TMEM272: variants seen among roughly 807,000 people sequenced by gnomAD.
TMEM272 encodes long intergenic non-protein coding RNA 282.
In TMEM272, 8 loss-of-function variants were observed where a neutral mutation model predicts 3.7. The ratio of observed to expected loss-of-function variants is 2.17; its 90% CI spans 1.27 to 3.91. TMEM272 has a LOEUF of 3.91. Ranked by LOEUF, TMEM272 falls within the 30% of genes most tolerant of loss-of-function variation. The pLI is 0.00. For synonymous variants in TMEM272, 63 were observed against 39.8 expected, an observed-to-expected ratio of 1.58 and a Z score of -2.20; for missense variants, 166 against 91.5, an observed-to-expected ratio of 1.81 and a Z score of -3.32.
the TMEM272 span, among the ~76,000 whole-genome samples, chr13:51,926,026 G>A: frequency 6.6e-6 from 1 of 152,088 alleles, no homozygotes; most frequent in South Asian, 2.1e-4. Context: ...TGTATGTGAG[G>A]TGCATGTGGT....
chr13:51,870,946 C>T, the TMEM272 span, among the ~76,000 whole-genome samples: 1 of 152,156 alleles, frequency 6.6e-6, no homozygotes, highest in Non-Finnish European at 1.5e-5. Context: ...CTGCAGATAT[C>T]AGATATTGCA....
At chr13:51,831,301 T>A (rs556954049) in intron 2 of TMEM272, among the ~76,000 whole-genome samples, 2 of 152,176 alleles carry the variant, frequency 1.3e-5, no homozygotes, top group African/African-American at 4.8e-5. Context: ...GCACCTGTGG[T>A]CCCAGCTACT....
At chr13:51,834,048 G>T (rs1420602072) in intron 2 of TMEM272, among the ~76,000 whole-genome samples, 1 of 152,162 alleles carries the variant, frequency 6.6e-6, no homozygotes, top group Non-Finnish European at 1.5e-5. Flanking sequence ...AGGTCCCCAG[G>T]CTCGTAAAGA....
chr13:51,930,648 A>G, the TMEM272 span: 3 of 151,896 alleles, frequency 2.0e-5, no homozygotes, highest in Middle Eastern at 3.2e-3. Context: ...TTTTTAAAAC[A>G]AAGATGCAAT....
upstream of TMEM272, among the ~76,000 whole-genome samples, chr13:51,848,097 G>A (rs1956315229): frequency 6.6e-6 from 1 of 152,138 alleles, no homozygotes; most frequent in South Asian, 2.1e-4. Flanking sequence ...AATCTGATAT[G>A]GGGAATTAGT....
chr13:51,865,330 A>G, the TMEM272 span: 1 of 1,476,666 alleles, frequency 6.8e-7, no homozygotes, highest in African/African-American at 1.4e-5. Context: ...CTGCCCCCAC[A>G]GGGTCTGACC....
At chr13:51,928,794 T>G in the TMEM272 span, among the ~76,000 whole-genome samples, 1 of 152,150 alleles carries the variant, frequency 6.6e-6, no homozygotes, top group African/African-American at 2.4e-5. Flanking sequence ...GGGTTTGAGG[T>G]GGAGTTCTGT....
At chr13:51,913,318 C>T in the TMEM272 span, among the ~76,000 whole-genome samples, 1 of 152,162 alleles carries the variant, frequency 6.6e-6, no homozygotes, top group South Asian at 2.1e-4. Context: ...TTGCTTTTAC[C>T]AGTGGCATTT....
At chr13:51,840,645 C>A (rs1160101059) in intron 1 of TMEM272, among the ~76,000 whole-genome samples, 1 of 152,216 alleles carries the variant, frequency 6.6e-6, no homozygotes, top group Non-Finnish European at 1.5e-5. Flanking sequence ...AGGCTCCCTG[C>A]CCACTGTTCT....
At chr13:51,827,947 A>T (rs985482783) in intron 2 of TMEM272, among the ~76,000 whole-genome samples, 2 of 152,178 alleles carry the variant, frequency 1.3e-5, no homozygotes, top group Non-Finnish European at 2.9e-5. Context: ...ACTTCCAGAA[A>T]CAAGGTTTCT....
chr13:51,891,873 GC>G, the TMEM272 span, among the ~76,000 whole-genome samples: 2 of 152,136 alleles, frequency 1.3e-5, no homozygotes, highest in Non-Finnish European at 2.9e-5. Flanking sequence ...TTGGAGGGGG[GC>G]AAGGGCAGTC....
At chr13:51,874,095 T>C in the TMEM272 span, among the ~76,000 whole-genome samples, 1 of 152,170 alleles carries the variant, frequency 6.6e-6, no homozygotes, top group Admixed American at 6.5e-5. Context: ...AATCAAGCTT[T>C]TAGAAGAGCA....
the TMEM272 span, among the ~76,000 whole-genome samples, chr13:51,863,423 C>T: frequency 6.6e-6 from 1 of 152,074 alleles, no homozygotes; most frequent in Non-Finnish European, 1.5e-5. Context: ...CAGAGAGCAG[C>T]GAGACTGTTA....
intron 2 of TMEM272, among the ~76,000 whole-genome samples, chr13:51,828,352 T>C (rs1458117187): frequency 6.6e-6 from 1 of 152,240 alleles, no homozygotes; most frequent in Non-Finnish European, 1.5e-5. Context: ...TGCCTCTGGC[T>C]GGGAGCCTCA....
chr13:51,871,476 C>T, the TMEM272 span, among the ~76,000 whole-genome samples: 2 of 152,284 alleles, frequency 1.3e-5, no homozygotes, highest in Non-Finnish European at 2.9e-5. Context: ...TCTTGAATCA[C>T]TTGCTCTGGA....
At chr13:51,910,352 A>G in the TMEM272 span, 3 of 1,212,300 alleles carry the variant, frequency 2.5e-6, no homozygotes, top group Middle Eastern at 1.9e-4. Flanking sequence ...CAAGTAGTCT[A>G]CATTTTTCTT....
At chr13:51,906,106 A>C in the TMEM272 span, among the ~76,000 whole-genome samples, 1 of 152,132 alleles carries the variant, frequency 6.6e-6, no homozygotes, top group Non-Finnish European at 1.5e-5. Context: ...CAAATGGTGG[A>C]CCAGGCTGGG....
the TMEM272 span, among the ~76,000 whole-genome samples, chr13:51,861,597 AG>A: frequency 6.6e-6 from 1 of 152,222 alleles, no homozygotes; most frequent in Non-Finnish European, 1.5e-5. Context: ...ACGTAACTTT[AG>A]AGACCTGGGG....
the TMEM272 span, among the ~76,000 whole-genome samples, chr13:51,927,909 C>T: frequency 1.3e-5 from 2 of 152,172 alleles, no homozygotes; most frequent in South Asian, 2.1e-4. Context: ...GCAGTGAACT[C>T]ATTTTACACC....
Sources: gnomAD v4.1 joint callset for allele counts (sites outside exome capture counted in the v4.1 genomes callset) on GRCh38, gnomAD v4.1.1 for gene constraint, MANE v1.5 for transcripts, NCBI Gene and HGNC (gene_info 2026-07-23, HGNC 2026-07-21) for gene names.